RABGAP1L: variants seen among roughly 807,000 people sequenced by gnomAD.
RABGAP1L encodes rab GTPase-activating protein 1-like.
Under a neutral mutation model 137.7 loss-of-function variants are expected in RABGAP1L, and 63 were observed. The ratio of observed to expected loss-of-function variants is 0.46; its 90% CI spans 0.37 to 0.56. The LOEUF (loss-of-function observed/expected upper bound fraction) is 0.56. Among genes scored for constraint, RABGAP1L ranks in the 20% least tolerant of loss-of-function variants. The probability of loss-of-function intolerance (pLI) is 0.00; values close to 1 mark genes in which losing one functional copy is unlikely to be tolerated. For synonymous variants in RABGAP1L, 431 were observed against 433.7 expected (o/e 0.99, Z 0.08); for missense variants, 1,095 against 1,244.0 (o/e 0.88, Z 1.80).
intron 13 of RABGAP1L, among the ~76,000 whole-genome samples, chr1:174,590,039 A>G (rs1038715854): frequency 2.0e-5 from 3 of 150,222 alleles, no homozygotes; most frequent in African/African-American, 7.3e-5. Context: ...GAATCTGCAC[A>G]TTGCTTTGGA....
chr1:174,703,452 A>G (rs1679812701), intron 17 of RABGAP1L, among the ~76,000 whole-genome samples: 1 of 152,182 alleles, frequency 6.6e-6, no homozygotes, highest in African/African-American at 2.4e-5. Flanking sequence ...GCTACATTGT[A>G]TGTACATACC....
Position 174,597,450 on chromosome 1 carries a change from A to G in RABGAP1L, c.1711-39925A>G, listed in dbSNP as rs150371847. ...TCCTGGTTCAATCTTGGTAGGTTAT[A>G]TGTGTCTAGGAATTTGTCCATTTCT... On this transcript the variant is annotated intron_variant, in intron 13 of 25. Transcript: ENST00000681986. Among the ~76,000 whole-genome samples the G allele has an allele frequency of 2.6e-4, 39 of 152,004 alleles. 1 individual carries two copies. The East Asian group carries it at 7.0e-3, about 27-fold the overall frequency.
chr1:174,426,929 C>A (rs944184926), intron 13 of RABGAP1L, among the ~76,000 whole-genome samples: 2 of 152,010 alleles, frequency 1.3e-5, no homozygotes, highest in Non-Finnish European at 2.9e-5. Flanking sequence ...ATGGGAAGAT[C>A]AGTCAATCAT....
chr1:174,823,049 G>A (rs1165767545), intron 19 of RABGAP1L, among the ~76,000 whole-genome samples: 2 of 152,208 alleles, frequency 1.3e-5, no homozygotes, highest in South Asian at 4.1e-4. Context: ...CTTTATAGAC[G>A]TTCCAAAATT....
At chr1:174,204,863 A>T (rs1194791170) in intron 1 of RABGAP1L, among the ~76,000 whole-genome samples, 1 of 152,030 alleles carries the variant, frequency 6.6e-6, no homozygotes, top group Non-Finnish European at 1.5e-5. Context: ...CCATGGTAAG[A>T]TGTGCTTCTT....
At chr1:174,523,129 T>G (rs1374583288) in intron 13 of RABGAP1L, among the ~76,000 whole-genome samples, 7 of 152,142 alleles carry the variant, frequency 4.6e-5, no homozygotes, top group Non-Finnish European at 1.0e-4. Flanking sequence ...CCAGAAGAGT[T>G]TTCTATGCCA....
chr1:174,187,914 A>G (rs1208967627), intron 1 of RABGAP1L, among the ~76,000 whole-genome samples: 1 of 152,198 alleles, frequency 6.6e-6, no homozygotes. Context: ...AAATATAGAT[A>G]ATTAAAACTA....
At chr1:174,385,222 T>G (rs1303927982) in intron 12 of RABGAP1L, among the ~76,000 whole-genome samples, 1 of 152,198 alleles carries the variant, frequency 6.6e-6, no homozygotes, top group African/African-American at 2.4e-5. Context: ...TCTGGATATA[T>G]TTTAAGAGAG....
intron 17 of RABGAP1L, among the ~76,000 whole-genome samples, chr1:174,726,315 C>T (rs776414884): frequency 2.6e-5 from 4 of 151,850 alleles, no homozygotes; most frequent in Non-Finnish European, 5.9e-5. Context: ...CTATATTGCC[C>T]AGTCCAGTCT....
intron 17 of RABGAP1L, among the ~76,000 whole-genome samples, chr1:174,739,136 A>G (rs924059440): frequency 2.0e-5 from 3 of 152,212 alleles, no homozygotes; most frequent in Non-Finnish European, 4.4e-5. Flanking sequence ...ATCTGCCTCC[A>G]TTAGATAGGT....
At chr1:174,867,312 T>C (rs536877737) in intron 19 of RABGAP1L, among the ~76,000 whole-genome samples, 5 of 148,892 alleles carry the variant, frequency 3.4e-5, no homozygotes, top group Non-Finnish European at 5.9e-5. Context: ...ACCCGGGAGG[T>C]GGAGGTTGCA....
intron 19 of RABGAP1L, among the ~76,000 whole-genome samples, chr1:174,930,976 G>A (rs1222798569): frequency 2.0e-5 from 3 of 152,038 alleles, no homozygotes; most frequent in African/African-American, 7.2e-5. Flanking sequence ...TACCAAGTAG[G>A]GGATAGTTTG....
chr1:174,754,597 G>C (rs1296228461), intron 18 of RABGAP1L, among the ~76,000 whole-genome samples: 1 of 151,960 alleles, frequency 6.6e-6, no homozygotes, highest in African/African-American at 2.4e-5. Flanking sequence ...AAATTCCTGG[G>C]CTCAAGTGAT....
At chr1:174,749,665 T>C (rs777833813) in intron 17 of RABGAP1L, among the ~76,000 whole-genome samples, 2 of 152,122 alleles carry the variant, frequency 1.3e-5, no homozygotes, top group Non-Finnish European at 2.9e-5. Flanking sequence ...GAGTTCTTAT[T>C]ATGTATATGA....
At position 174,635,042 on chromosome 1, in the gene RABGAP1L, AAAT is replaced by A. The variant is rs1309741497; in HGVS notation, c.1711-2324_1711-2322del. ...AAAACTTAAAGTATAATAAAAAATA[AAAT>A]AATAATAAAATAAAAAAATAAAAAA... On this transcript the variant is annotated intron_variant, in intron 13 of 25. Transcript: ENST00000681986. Among the ~76,000 whole-genome samples the A allele has an allele frequency of 2.6e-5, 4 of 151,400 alleles. No homozygotes were observed. In the East Asian group the frequency reaches 7.7e-4, roughly 29 times the overall value.
At chr1:174,296,644 A>T (rs996054324) in intron 10 of RABGAP1L, among the ~76,000 whole-genome samples, 6 of 152,220 alleles carry the variant, frequency 3.9e-5, no homozygotes, top group African/African-American at 1.2e-4. Flanking sequence ...AAGAAAAATG[A>T]GAATTTCGGA....
In RABGAP1L at chr1:174,303,094, C is replaced by T. The variant is rs114843376; in HGVS notation, c.1324-1892C>T. 2.5e-3 allele frequency among the ~76,000 whole-genome samples: 382 copies of T among 151,488 alleles called. 4 individuals carry two copies. Among genetic ancestry groups the T allele is most frequent in the African/African-American group, 9.0e-3 (371 of 41,330 alleles). ...TAGCATTGGCGTTCTTTAGTGTCAC[C>T]TCTGCAGAGGTAAATAGAAGCTGCT... On this transcript the variant is annotated intron_variant, in intron 10 of 25. Coordinates refer to ENST00000681986, the MANE Select transcript of RABGAP1L (RefSeq NM_001366446.1).
chr1:174,266,164 T>C (rs1404834547), intron 7 of RABGAP1L, among the ~76,000 whole-genome samples: 4 of 152,200 alleles, frequency 2.6e-5, no homozygotes, highest in Non-Finnish European at 2.9e-5. Context: ...GGTCAAGTTA[T>C]TTAACTTCTC....
chr1:174,587,231 C>G (rs998925448), intron 13 of RABGAP1L, among the ~76,000 whole-genome samples: 1 of 133,852 alleles, frequency 7.5e-6, no homozygotes, highest in African/African-American at 2.9e-5. Flanking sequence ...GTCTTTATAG[C>G]AGCATGATTT....
Sources: allele counts gnomAD v4.1 joint callset (sites outside exome capture counted in the v4.1 genomes callset), GRCh38; gene constraint gnomAD v4.1.1; transcripts MANE v1.5; gene names NCBI Gene and HGNC (gene_info 2026-07-23, HGNC 2026-07-21).